TINF2: variants seen among roughly 807,000 people sequenced by gnomAD.
The protein encoded by TINF2 is TERF1-interacting nuclear factor 2.
In TINF2, 27 loss-of-function variants were observed where a neutral mutation model predicts 50.4. The observed-to-expected ratio is 0.54, with a 90% CI of 0.40 to 0.74. The LOEUF is 0.74. Among genes scored for constraint, TINF2 ranks in the 30% least tolerant of loss-of-function variants. The pLI is 0.00. For synonymous variants in TINF2, 223 were observed against 214.6 expected (o/e 1.04, Z -0.34); for missense variants, 496 against 551.5 (o/e 0.90, Z 1.01).
rs2040601033 is a variant in TINF2 at position 24,242,378 on chromosome 14, C to G, written c.-46G>C. 6.3e-7 allele frequency: 1 copy of G among 1,594,290 alleles called. No homozygotes were observed. The highest frequency in any genetic ancestry group is 8.5e-7 in the Non-Finnish European group (1 of 1,172,886). On this transcript the variant is annotated 5_prime_UTR_variant, in exon 1 of 9. Transcript: ENST00000267415. ...AGGCGGTCCCTCCGGGTTCCTCACCCGGATGGGTGAGGCTTTCCGATCACT... is the reference window on the plus strand; with the variant it reads ...AGGCGGTCCCTCCGGGTTCCTCACCGGGATGGGTGAGGCTTTCCGATCACT...
chr14:24,241,613 C>CAAA (rs5807249), intron 3 of TINF2, 62 bp downstream of exon 3: 359 of 1,292,130 alleles, frequency 2.8e-4, no homozygotes, highest in Non-Finnish European at 3.2e-4. Context: ...CAAGATTCCT[C>CAAA]AAAAAAAAAA....
chr14:24,240,914 T>G (rs767201695), intron 5 of TINF2, 39 bp from the exon 6 acceptor site: 19 of 1,613,946 alleles, frequency 1.2e-5, no homozygotes, highest in Admixed American at 1.7e-5. Context: ...AGAGAACAGA[T>G]AGTAACAGAA....
Position 24,240,074 on chromosome 14 carries a change from C to T in TINF2, c.1211G>A (p.Gly404Glu), listed in dbSNP as rs765918306. ...CTCCTTCCCACTCACCTTTCCTTCC[C>T]CCTGGCCATTTTCTTCCTCATCAGA... ...LDSDEEENGQ[G>E]EGKESLENYQ... is the part of the protein sequence containing the mutation. The change falls in exon 8 of 9, where the codon GGG (glycine) becomes GAG (glutamate). Residue 404 changes from glycine to glutamate, a missense_variant. By Grantham distance (98) the Gly-to-Glu change is moderately conservative (BLOSUM62 -2). Coordinates refer to ENST00000267415, the MANE Select transcript of TINF2 (RefSeq NM_001099274.3). The T allele has an allele frequency of 6.2e-7, 1 of 1,614,134 alleles. No homozygotes were observed. Among genetic ancestry groups the T allele is most frequent in the Non-Finnish European group, 8.5e-7 (1 of 1,180,036 alleles).
At position 24,240,157 on chromosome 14, in the gene TINF2, T is replaced by C. The variant is rs1435965067; in HGVS notation, c.1130-2A>G. On this transcript the variant is annotated splice_acceptor_variant, in intron 7 of 8. Coordinates refer to ENST00000267415, the MANE Select transcript of TINF2 (RefSeq NM_001099274.3). LOFTEE classifies it high-confidence loss of function. Reference sequence around the variant, plus strand: ...AGCTGCACAGAGACGGAGGACACACTGTAGGAGGGAAACCAGAATCAAACT... The same window carrying C: ...AGCTGCACAGAGACGGAGGACACACCGTAGGAGGGAAACCAGAATCAAACT... The C allele has an allele frequency of 1.2e-6, 2 of 1,613,824 alleles. No individual in the cohort carries two copies. The highest frequency in any genetic ancestry group is 1.7e-6 in the Non-Finnish European group (2 of 1,179,974).
Position 24,239,850 on chromosome 14 carries a change from C to T in TINF2, c.1303G>A (p.Gly435Ser), listed in dbSNP as rs551919709. Residue 435 changes from glycine to serine, a missense_variant, in exon 9 of 9, where the codon GGT (glycine) becomes AGT (serine). Physicochemically the swap from Gly to Ser is moderately conservative, Grantham distance 56 (BLOSUM62 0). Coordinates refer to ENST00000267415, the MANE Select transcript of TINF2 (RefSeq NM_001099274.3). ...LCEYLPPSGHGAIPVSSCDCR... is the reference protein window; with the variant it reads ...LCEYLPPSGHSAIPVSSCDCR... ...TCACAGGAAGAAACAGGTATGGCAC[C>T]GTGGCCAGAAGGGGGTAGGTATTCA... The T allele has an allele frequency of 8.1e-6, 13 of 1,614,108 alleles. No individual in the cohort carries two copies. Among genetic ancestry groups the T allele is most frequent in the African/African-American group, 2.7e-5 (2 of 75,012 alleles).
In TINF2 at chr14:24,240,130, G is replaced by T; in HGVS notation, c.1155C>A (p.Ser385=). ...AAACCAAGTCCCCTATGGTAATGAC[G>T]GAGCTGCACAGAGACGGAGGACACA... ...KPVCPPSLCS[S]VITIGDLVLD... Residue 385 remains serine, a synonymous_variant, in exon 8 of 9, where the codon TCC becomes TCA. Coordinates refer to ENST00000267415, the MANE Select transcript of TINF2 (RefSeq NM_001099274.3). 6.2e-7 allele frequency: 1 copy of T among 1,613,994 alleles called. No individual in the cohort carries two copies. The highest frequency in any genetic ancestry group is 8.5e-7 in the Non-Finnish European group (1 of 1,180,026).
chr14:24,242,617 G>C lies in TINF2; in HGVS notation c.-285C>G, dbSNP rs1165703856. Reference sequence around the variant, plus strand: ...CGTCGCCGCTGTCTCGAGCCCGAGGGTGCCTCACTTCCGGCTCCGCTACTA... The same window carrying C: ...CGTCGCCGCTGTCTCGAGCCCGAGGCTGCCTCACTTCCGGCTCCGCTACTA... On this transcript the variant is annotated 5_prime_UTR_variant, in exon 1 of 9. Transcript: ENST00000267415. The C allele has an allele frequency of 1.6e-6, 2 of 1,272,280 alleles. No homozygotes were observed. The highest frequency in any genetic ancestry group is 7.5e-5 in the East Asian group (2 of 26,732). 78.8% of individuals were successfully genotyped at this position (1,272,280 alleles called of 1,614,324 possible).
chr14:24,239,747 G>C lies in TINF2; in HGVS notation c.*50C>G. ...CCACTTCATTCCTACTAAACTACTT[G>C]CAGAGCTGAGGAGGCAGGAGACTAG... On this transcript the variant is annotated 3_prime_UTR_variant, in exon 9 of 9. Coordinates refer to ENST00000267415, the MANE Select transcript of TINF2 (RefSeq NM_001099274.3). 6.2e-7 allele frequency: 1 copy of C among 1,614,026 alleles called. No individual in the cohort carries two copies. Among genetic ancestry groups the C allele is most frequent in the Admixed American group, 1.7e-5 (1 of 60,034 alleles).
At chr14:24,240,364 A>G in intron 6 of TINF2, 34 bp from the exon 7 acceptor site, 1 of 1,614,054 alleles carries the variant, frequency 6.2e-7, no homozygotes, top group Non-Finnish European at 8.5e-7. Context: ...GATAGGATGA[A>G]GGGAAGGCAG....
Position 24,242,375 on chromosome 14 carries a change from A to G in TINF2, c.-43T>C, listed in dbSNP as rs2040600989. On this transcript the variant is annotated 5_prime_UTR_variant, in exon 1 of 9. Coordinates refer to ENST00000267415, the MANE Select transcript of TINF2 (RefSeq NM_001099274.3). ...CGGAGGCGGTCCCTCCGGGTTCCTCACCCGGATGGGTGAGGCTTTCCGATC... is the reference window on the plus strand; with the variant it reads ...CGGAGGCGGTCCCTCCGGGTTCCTCGCCCGGATGGGTGAGGCTTTCCGATC... 1 of 1,596,564 alleles carries G rather than the reference A, an allele frequency of 6.3e-7. No individual in the cohort carries two copies. Among genetic ancestry groups the G allele is most frequent in the African/African-American group, 1.3e-5 (1 of 74,196 alleles).
At position 24,239,900 on chromosome 14, in the gene TINF2, A is replaced by G. The variant is rs773286175; in HGVS notation, c.1253T>C (p.Phe418Ser). 53 of 1,614,052 alleles carry G rather than the reference A, an allele frequency of 3.3e-5. No individual in the cohort carries two copies. Among genetic ancestry groups the G allele is most frequent in the African/African-American group, 8.0e-5 (6 of 74,900 alleles). The change falls in exon 9 of 9, where the codon TTT (phenylalanine) becomes TCT (serine). Residue 418 changes from phenylalanine to serine, a missense_variant. By Grantham distance (155) the Phe-to-Ser change is radical (BLOSUM62 -2). This residue lies in a region of TINF2 where 179 missense variants were observed against 188.3 expected (regional missense o/e 0.95). Transcript: ENST00000267415. ...ESLENYQKTK[F>S]DTLIPTLCEY... ...ACAGAGAGTGGGTATCAAGGTGTCA[A>G]ACTTTGTCTTCTGATAGTTTTCCAG...
At position 24,239,767 on chromosome 14, in the gene TINF2, G is replaced by A. The variant is rs1310666073; in HGVS notation, c.*30C>T. 6.2e-7 allele frequency: 1 copy of A among 1,614,170 alleles called. No individual in the cohort carries two copies. The highest frequency in any genetic ancestry group is 1.7e-5 in the Admixed American group (1 of 60,030). The stretch of plus-strand genomic sequence containing the variant: ...TACTTGCAGAGCTGAGGAGGCAGGA[G>A]ACTAGAGTACAGAGAGCATTTTAGT... On this transcript the variant is annotated 3_prime_UTR_variant, in exon 9 of 9. Transcript: ENST00000267415.
intron 3 of TINF2, 57 bp from the exon 4 acceptor site, chr14:24,241,368 G>A (rs1469048434): frequency 1.1e-5 from 17 of 1,567,128 alleles, no homozygotes; most frequent in East Asian, 6.7e-5. Context: ...GGTGGCTCAC[G>A]CCTGTAATCC....
At position 24,241,667 on chromosome 14, in the gene TINF2, A is replaced by G. The variant is rs2040582592; in HGVS notation, c.399+8T>C. 6.2e-7 allele frequency: 1 copy of G among 1,605,318 alleles called. No individual in the cohort carries two copies. Among genetic ancestry groups the G allele is most frequent in the Non-Finnish European group, 8.5e-7 (1 of 1,174,764 alleles). Reference sequence around the variant, plus strand: ...ATAGCCACATAATAGCCTTCAAACCAGTCTCACCTGCAGCTTCGAGGCCAA... The same window carrying G: ...ATAGCCACATAATAGCCTTCAAACCGGTCTCACCTGCAGCTTCGAGGCCAA... On this transcript the variant is annotated splice_region_variant and intron_variant, in intron 3 of 8. Coordinates refer to ENST00000267415, the MANE Select transcript of TINF2 (RefSeq NM_001099274.3).
At chr14:24,242,112 C>G in intron 1 of TINF2, 29 bp downstream of exon 1, 1 of 1,614,248 alleles carries the variant, frequency 6.2e-7, no homozygotes, top group Non-Finnish European at 8.5e-7. Context: ...TTCTTTCTTT[C>G]CCCTTCCAGG....
rs1256782155 is a variant in TINF2, at chr14:24,241,102, C to G, written c.522G>C (p.Leu174=). 6 of 1,614,206 alleles carry G rather than the reference C, an allele frequency of 3.7e-6. No individual in the cohort carries two copies. The highest frequency in any genetic ancestry group is 5.1e-6 in the Non-Finnish European group (6 of 1,180,040). The change falls in exon 5 of 9, where the codon CTG becomes CTC. Residue 174 remains leucine, a synonymous_variant. Coordinates refer to ENST00000267415, the MANE Select transcript of TINF2 (RefSeq NM_001099274.3). ...TPQAQQLQDV[L]SWMQPGVSIT... ...TAGAGACTCCAGGCTGCATCCAACT[C>G]AGCACATCCTGAAGCTGTGGGCAGG...
Position 24,241,213 on chromosome 14 carries a change from C to G in TINF2, c.498G>C (p.Gln166His). ...TTTGCCCCAGCGAAACCTGCTGTGC[C>G]TGCGGTGTAGGCAGTGCTTTCTCCA... ...CQLEKALPTP[Q>H]AQQLQDVLSW... The change falls in exon 4 of 9, where the codon CAG becomes CAC. Residue 166 changes from glutamine (Q) to histidine (H), a missense_variant. By Grantham distance (24) the Gln-to-His change is conservative. Transcript: ENST00000267415. 1.9e-6 allele frequency: 3 copies of G among 1,614,180 alleles called. No homozygotes were observed. Among genetic ancestry groups the G allele is most frequent in the East Asian group, 4.5e-5 (2 of 44,886 alleles).
At chr14:24,240,039 C>G in intron 8 of TINF2, 25 bp downstream of exon 8, 1 of 1,614,166 alleles carries the variant, frequency 6.2e-7, no homozygotes, top group Non-Finnish European at 8.5e-7. Context: ...TCCCCTTTCC[C>G]AGCTTTCTGC....
Position 24,240,062 on chromosome 14 carries a change from ACCTTT to A in TINF2, c.1218_1221+1del. The A allele has an allele frequency of 6.2e-7, 1 of 1,613,798 alleles. No individual in the cohort carries two copies. Among genetic ancestry groups the A allele is most frequent in the Non-Finnish European group, 8.5e-7 (1 of 1,179,938 alleles). Reference sequence around the variant, plus strand: ...CCCAGCTTTCTGCTCCTTCCCACTCACCTTTCCTTCCCCCTGGCCATTTTCTTCCT... The same window carrying A: ...CCCAGCTTTCTGCTCCTTCCCACTCACCTTCCCCCTGGCCATTTTCTTCCT... On this transcript the variant is annotated splice_donor_variant and coding_sequence_variant, in exon 8 of 9. Transcript: ENST00000267415. LOFTEE classifies it high-confidence loss of function.
Sources: allele counts gnomAD v4.1 joint callset, GRCh38; gene constraint gnomAD v4.1.1; regional missense constraint gnomAD v4.1.1; transcripts MANE v1.5; gene names NCBI Gene and HGNC (gene_info 2026-07-23, HGNC 2026-07-21).